Variants in NOP9 observed in about 807,000 individuals in gnomAD.
The protein encoded by NOP9 is NOP9 nucleolar protein.
A neutral mutation model predicts 63.0 loss-of-function variants in NOP9; 50 were observed. The ratio of observed to expected loss-of-function variants is 0.79; its 90% CI spans 0.63 to 1.00. NOP9 has a LOEUF of 1.00. Ranked by LOEUF, NOP9 falls within the 50% of genes least tolerant of loss-of-function variation. The probability of loss-of-function intolerance (pLI) is 0.00; values close to 1 mark genes in which losing one functional copy is unlikely to be tolerated. For synonymous variants in NOP9, 343 were observed against 332.8 expected (o/e 1.03, Z -0.33); for missense variants, 758 against 803.0 (o/e 0.94, Z 0.68).
At position 24,307,704 on chromosome 14, in the gene NOP9, G is replaced by T; in HGVS notation, c.*2609G>T. On this transcript the variant is annotated 3_prime_UTR_variant, in exon 10 of 10. Transcript: ENST00000267425. ...AGGAGCTTGACAAGCCCACTGTGGA[G>T]TGGGGAGCAGGAGAGGAAGGGGTAC... 1.5e-6 allele frequency: 2 copies of T among 1,303,852 alleles called. No homozygotes were observed. Among genetic ancestry groups the T allele is most frequent in the East Asian group, 5.0e-5 (2 of 39,790 alleles). The allele number at this position is 1,303,852 out of a possible 1,614,324, so 80.8% of individuals were successfully genotyped here.
the NOP9 span, chr14:24,292,758 C>G: frequency 6.2e-7 from 1 of 1,613,602 alleles, no homozygotes; most frequent in African/African-American, 1.3e-5. Flanking sequence ...CAGCCGTGCC[C>G]CATACACTGA....
chr14:24,290,706 G>GCACCCCAGAACT, the NOP9 span: 1 of 882,724 alleles, frequency 1.1e-6, no homozygotes, highest in Non-Finnish European at 1.7e-6. Context: ...GGACCTAGGC[G>GCACCCCAGAACT]CACCCCAGAA....
upstream of NOP9, chr14:24,296,656 G>A (rs2041252976): frequency 1.2e-6 from 2 of 1,613,254 alleles, no homozygotes; most frequent in Non-Finnish European, 8.5e-7. Context: ...GGTAATGGAA[G>A]GGACAATGAG....
At chr14:24,281,913 A>T in the NOP9 span, among the ~76,000 whole-genome samples, 1 of 152,344 alleles carries the variant, frequency 6.6e-6, no homozygotes. Context: ...CTCCAAAGTC[A>T]AAACCAAACC....
chr14:24,306,788 A>G lies in NOP9; in HGVS notation c.*1693A>G. 1 of 499,076 alleles carries G rather than the reference A, an allele frequency of 2.0e-6. No homozygotes were observed. The highest frequency in any genetic ancestry group is 3.6e-6 in the Non-Finnish European group (1 of 274,862). 30.9% of individuals were successfully genotyped at this position (499,076 alleles called of 1,614,324 possible). ...CCCTCCAAGTCACTTCTGGTTTGGA[A>G]TTGGAAAGCAAGCCAGGTTCTCACG... On this transcript the variant is annotated 3_prime_UTR_variant, in exon 10 of 10. Coordinates refer to ENST00000267425, the MANE Select transcript of NOP9 (RefSeq NM_174913.3).
Position 24,303,840 on chromosome 14 carries a change from G to C in NOP9, c.1393G>C (p.Val465Leu). Residue 465 changes from valine (V) to leucine (L), a missense_variant, in exon 7 of 10, where the codon GTG becomes CTG. Coordinates refer to ENST00000267425, the MANE Select transcript of NOP9 (RefSeq NM_174913.3). ...TGGACTGACGGAGGAGGAGGGGGCA[G>C]TGCCTGCAGAGCACCAGGTGAGGTA... is the stretch of plus-strand genomic sequence containing the variant. ...YYGLTEEEGA[V>L]PAEHQVAMAA... 6.2e-7 allele frequency: 1 copy of C among 1,614,176 alleles called. No homozygotes were observed. Among genetic ancestry groups the C allele is most frequent in the Non-Finnish European group, 8.5e-7 (1 of 1,179,990 alleles).
chr14:24,284,654 G>A, the NOP9 span, among the ~76,000 whole-genome samples: 1 of 152,140 alleles, frequency 6.6e-6, no homozygotes, highest in African/African-American at 2.4e-5. Flanking sequence ...CTAGGGATGG[G>A]GAGGCCAAAA....
In NOP9 at chr14:24,304,881, C is replaced by T; in HGVS notation, c.1754-57C>T. 8.1e-6 allele frequency: 12 copies of T among 1,478,424 alleles called. No homozygotes were observed. In the South Asian group the frequency reaches 1.4e-4, roughly 18 times the overall value. The allele number at this position is 1,478,424 out of a possible 1,614,324, so 91.6% of individuals were successfully genotyped here. A position where few individuals can be genotyped will look rare whatever the true frequency, so the allele number is the denominator to read the frequency against. ...GGGGGAAATGGAGGGATCTTTACGT[C>T]AAGTAGAGTCTGTCTTTGAGCATGG... On this transcript the variant is annotated intron_variant, in intron 9 of 9. Coordinates refer to ENST00000267425, the MANE Select transcript of NOP9 (RefSeq NM_174913.3).
At chr14:24,303,281 A>C in intron 6 of NOP9, 67 bp downstream of exon 6, 2 of 1,597,844 alleles carry the variant, frequency 1.3e-6, no homozygotes, top group Admixed American at 1.7e-5. Context: ...GGACTTATCT[A>C]ATCTTAAGTT....
Position 24,300,209 on chromosome 14 carries a change from G to T in NOP9, c.247+8G>T. On this transcript the variant is annotated splice_region_variant and intron_variant, in intron 1 of 9. Coordinates refer to ENST00000267425, the MANE Select transcript of NOP9 (RefSeq NM_174913.3). ...AGACTGGGGAAGAACGAGGTAGGCA[G>T]CAACTTCGGGGTTTAGACCAAGAGC... 1 of 1,613,262 alleles carries T rather than the reference G, an allele frequency of 6.2e-7. No homozygotes were observed. The highest frequency in any genetic ancestry group is 1.3e-5 in the African/African-American group (1 of 75,012).
chr14:24,281,617 G>A, the NOP9 span, among the ~76,000 whole-genome samples: 4 of 152,184 alleles, frequency 2.6e-5, no homozygotes, highest in African/African-American at 9.7e-5. Context: ...CCTGGAAGCG[G>A]GCAAAGCAAG....
intron 6 of NOP9, 132 bp downstream of exon 6, chr14:24,303,346 G>T: frequency 8.6e-7 from 1 of 1,159,824 alleles, no homozygotes. Flanking sequence ...AGGAATGGGG[G>T]AAAATGAGGC....
At chr14:24,272,916 CT>C in the NOP9 span, among the ~76,000 whole-genome samples, 1 of 152,162 alleles carries the variant, frequency 6.6e-6, no homozygotes, top group African/African-American at 2.4e-5. Flanking sequence ...AAAAATGTAA[CT>C]CAAGTGGCAC....
chr14:24,304,319 ATT>A, intron 8 of NOP9, 42 bp downstream of exon 8: 4 of 1,526,312 alleles, frequency 2.6e-6, no homozygotes, highest in Non-Finnish European at 3.6e-6. Flanking sequence ...ACCATCATCC[ATT>A]TAGAGAATAT....
chr14:24,305,354 G>A lies in NOP9; in HGVS notation c.*259G>A, dbSNP rs2041463944. 3 of 562,174 alleles carry A rather than the reference G, an allele frequency of 5.3e-6. No homozygotes were observed. Among genetic ancestry groups the A allele is most frequent in the Non-Finnish European group, 9.0e-6 (3 of 332,872 alleles). The allele number at this position is 562,174 out of a possible 1,614,324, so 34.8% of individuals were successfully genotyped here. On this transcript the variant is annotated 3_prime_UTR_variant, in exon 10 of 10. Transcript: ENST00000267425. Reference sequence around the variant, plus strand: ...GATTAGATGTAGCAGCAGTCAGGCTGGGATCAAGATGCCTGGGGGACATCT... The same window carrying A: ...GATTAGATGTAGCAGCAGTCAGGCTAGGATCAAGATGCCTGGGGGACATCT...
At chr14:24,291,561 G>GCCAAAGCCA in the NOP9 span, 1 of 1,614,160 alleles carries the variant, frequency 6.2e-7, no homozygotes, top group Non-Finnish European at 8.5e-7. Context: ...TTCACCTGTT[G>GCCAAAGCCA]CCAAAGCCAC....
At position 24,305,587 on chromosome 14, in the gene NOP9, C is replaced by T; in HGVS notation, c.*492C>T. 1 of 1,584,768 alleles carries T rather than the reference C, an allele frequency of 6.3e-7. No individual in the cohort carries two copies. Among genetic ancestry groups the T allele is most frequent in the South Asian group, 1.2e-5 (1 of 86,014 alleles). ...AAATTTGATGCTGTCATAGTCTTTG[C>T]AGTGGGTCGGTTGGAATGATTCTGG... is the stretch of plus-strand genomic sequence containing the variant. On this transcript the variant is annotated 3_prime_UTR_variant, in exon 10 of 10. Transcript: ENST00000267425.
chr14:24,281,401 G>A, the NOP9 span, among the ~76,000 whole-genome samples: 1 of 152,200 alleles, frequency 6.6e-6, no homozygotes, highest in Non-Finnish European at 1.5e-5. Flanking sequence ...CACACTCTGG[G>A]TTTGCCCCAG....
At chr14:24,292,118 C>A in the NOP9 span, 2 of 1,599,058 alleles carry the variant, frequency 1.3e-6, no homozygotes, top group East Asian at 4.5e-5. Context: ...AGTATCTGAT[C>A]TTGTTATTGA....
Sources: gnomAD v4.1 joint callset for allele counts (sites outside exome capture counted in the v4.1 genomes callset) on GRCh38, gnomAD v4.1.1 for gene constraint, MANE v1.5 for transcripts, NCBI Gene and HGNC (gene_info 2026-07-23, HGNC 2026-07-21) for gene names.